The following ZNF248 variants were observed in gnomAD, a reference collection of about 807,000 sequenced individuals.
ZNF248 encodes zinc finger protein 248.
In ZNF248, 20 loss-of-function variants were observed where a neutral mutation model predicts 44.3. The observed-to-expected ratio is 0.45, with a 90% CI of 0.32 to 0.66. The LOEUF is 0.66. Ranked by LOEUF, ZNF248 falls within the 30% of genes least tolerant of loss-of-function variation. ZNF248 has a pLI of 0.04. For missense variants in ZNF248, 654 were observed against 677.0 expected (o/e 0.97, Z 0.38); for synonymous variants, 224 against 229.0 (o/e 0.98, Z 0.20).
chr10:37,806,377 T>C (rs1388939256), intron 6 of ZNF248, among the ~76,000 whole-genome samples: 6 of 152,182 alleles, frequency 3.9e-5, no homozygotes, highest in Admixed American at 1.3e-4. Flanking sequence ...CACTTGATAT[T>C]TTTTCTTTCC....
At chr10:37,838,277 C>T (rs1196021401) in intron 3 of ZNF248, among the ~76,000 whole-genome samples, 166 bp from the exon 4 acceptor site, 1 of 152,166 alleles carries the variant, frequency 6.6e-6, no homozygotes, top group Non-Finnish European at 1.5e-5. Flanking sequence ...TGAGTTTCTA[C>T]TAAGGGTCTG....
rs925819486 is a variant in ZNF248, at chr10:37,856,539, C to A, written c.-125-7G>T. ...TTTATTACCAATTTAGGTTCTGTGACACAGAAAAATTAAAAACATGAAAAG... is the reference window on the plus strand; with the variant it reads ...TTTATTACCAATTTAGGTTCTGTGAAACAGAAAAATTAAAAACATGAAAAG... On this transcript the variant is annotated splice_region_variant and splice_polypyrimidine_tract_variant and intron_variant, in intron 1 of 5. Coordinates refer to ENST00000395867, the MANE Select transcript of ZNF248 (RefSeq NM_021045.3). 1.7e-6 allele frequency: 2 copies of A among 1,191,310 alleles called. No individual in the cohort carries two copies. The highest frequency in any genetic ancestry group is 1.6e-5 in the African/African-American group (1 of 62,844). 73.8% of individuals were successfully genotyped at this position (1,191,310 alleles called of 1,614,324 possible). A position where few individuals can be genotyped will look rare whatever the true frequency, so the allele number is the denominator to read the frequency against.
At chr10:37,853,213 G>C (rs1378666561) in intron 3 of ZNF248, among the ~76,000 whole-genome samples, 1 of 151,964 alleles carries the variant, frequency 6.6e-6, no homozygotes, top group Non-Finnish European at 1.5e-5. Context: ...AATACTACAG[G>C]ATAAATATAG....
chr10:37,772,533 TA>T, downstream of ZNF248, among the ~76,000 whole-genome samples: 1 of 152,098 alleles, frequency 6.6e-6, no homozygotes, highest in East Asian at 1.9e-4. Context: ...ATAAAGCAGA[TA>T]AAAAGAATGT....
chr10:37,849,376 A>AT (rs961858367), intron 3 of ZNF248, among the ~76,000 whole-genome samples: 1 of 152,146 alleles, frequency 6.6e-6, no homozygotes, highest in African/African-American at 2.4e-5. Flanking sequence ...ATGGTGAAAA[A>AT]TTTTTTAAAT....
the ZNF248 span, among the ~76,000 whole-genome samples, chr10:37,770,011 C>T: frequency 6.6e-6 from 1 of 152,208 alleles, no homozygotes; most frequent in African/African-American, 2.4e-5. Flanking sequence ...CATGAGTGAA[C>T]TCCCTTTCAC....
intron 6 of ZNF248, among the ~76,000 whole-genome samples, chr10:37,798,464 A>G (rs980769376): frequency 1.3e-5 from 2 of 152,164 alleles, no homozygotes; most frequent in Non-Finnish European, 2.9e-5. Flanking sequence ...TAAAACAATG[A>G]GGAATTTCCA....
At position 37,855,470 on chromosome 10, in the gene ZNF248, A is replaced by C. The variant is rs115153240; in HGVS notation, c.15+826T>G. ...AAAAAAATGAAACCAGTCAGGAAAAACAGACCGAGAAGAACCTAAGTAGGC... is the reference window on the plus strand; with the variant it reads ...AAAAAAATGAAACCAGTCAGGAAAACCAGACCGAGAAGAACCTAAGTAGGC... On this transcript the variant is annotated intron_variant, in intron 3 of 5. Transcript: ENST00000395867. Among the ~76,000 whole-genome samples, 924 of 152,350 alleles carry C rather than the reference A, an allele frequency of 6.1e-3. 10 individuals carry two copies. Among genetic ancestry groups the C allele is most frequent in the African/African-American group, 0.021 (883 of 41,584 alleles).
intron 6 of ZNF248, among the ~76,000 whole-genome samples, chr10:37,809,051 T>G (rs1163454547): frequency 6.6e-6 from 1 of 152,180 alleles, no homozygotes; most frequent in Non-Finnish European, 1.5e-5. Context: ...TTGTATTTTA[T>G]TTCTGTAGAA....
At chr10:37,769,195 G>A in the ZNF248 span, among the ~76,000 whole-genome samples, 108 of 152,144 alleles carry the variant, frequency 7.1e-4, no homozygotes, top group African/African-American at 2.3e-3. Context: ...CCAGAGGTAC[G>A]AGGAGGACCT....
At chr10:37,769,746 C>A in the ZNF248 span, among the ~76,000 whole-genome samples, 1 of 152,168 alleles carries the variant, frequency 6.6e-6, no homozygotes, top group Non-Finnish European at 1.5e-5. Flanking sequence ...CACTCCTATT[C>A]AACATAGTGG....
In ZNF248 at chr10:37,831,195, A is replaced by G. The variant is rs1206572717; in HGVS notation, c.*420T>C. ...GATCATGTTGAGTTCCAATATACAAATCAAGCATACTCAAATTTATATATT... is the reference window on the plus strand; with the variant it reads ...GATCATGTTGAGTTCCAATATACAAGTCAAGCATACTCAAATTTATATATT... On this transcript the variant is annotated 3_prime_UTR_variant, in exon 6 of 6. Transcript: ENST00000395867. The G allele has an allele frequency of 6.5e-7, 1 of 1,541,944 alleles. No homozygotes were observed. The highest frequency in any genetic ancestry group is 8.8e-7 in the Non-Finnish European group (1 of 1,142,590).
At chr10:37,843,650 T>C (rs1024192291) in intron 3 of ZNF248, among the ~76,000 whole-genome samples, 3 of 152,062 alleles carry the variant, frequency 2.0e-5, no homozygotes, top group Admixed American at 2.0e-4. Context: ...ATAAATTAAG[T>C]GTCATCAAAA....
chr10:37,829,731 T>A lies in ZNF248; in HGVS notation c.*1884A>T. The stretch of plus-strand genomic sequence containing the variant: ...ATAAGCCAATACCATGTTACAGACA[T>A]GAAAAAGCCCAGCAGAGTCTCTTCT... On this transcript the variant is annotated 3_prime_UTR_variant, in exon 6 of 6. Coordinates refer to ENST00000395867, the MANE Select transcript of ZNF248 (RefSeq NM_021045.3). 2 of 985,296 alleles carry A rather than the reference T, an allele frequency of 2.0e-6. No individual in the cohort carries two copies. Among genetic ancestry groups the A allele is most frequent in the South Asian group, 9.4e-5 (2 of 21,288 alleles). 61.0% of individuals were successfully genotyped at this position (985,296 alleles called of 1,614,324 possible). A position where few individuals can be genotyped will look rare whatever the true frequency, so the allele number is the denominator to read the frequency against.
chr10:37,761,423 C>T, the ZNF248 span, among the ~76,000 whole-genome samples: 612 of 152,284 alleles, frequency 4.0e-3, 5 homozygotes, highest in African/African-American at 0.014. Context: ...AGAAAACTGG[C>T]TATTCATTTG....
At chr10:37,760,992 G>A in the ZNF248 span, among the ~76,000 whole-genome samples, 3 of 152,216 alleles carry the variant, frequency 2.0e-5, no homozygotes, top group Admixed American at 1.3e-4. Flanking sequence ...TGGCATGATG[G>A]TGCAGGCCTT....
rs889052332 is a variant in ZNF248 at position 37,830,225 on chromosome 10, T to C, written c.*1390A>G. 36 of 985,388 alleles carry C rather than the reference T, an allele frequency of 3.7e-5. No homozygotes were observed. The highest frequency in any genetic ancestry group is 4.1e-5 in the Non-Finnish European group (34 of 829,922). The allele number at this position is 985,388 out of a possible 1,614,324, so 61.0% of individuals were successfully genotyped here. On this transcript the variant is annotated 3_prime_UTR_variant, in exon 6 of 6. Transcript: ENST00000395867. ...TTTGCATAATTTATGTAAAAACCAT[T>C]CTTATTAACAACATTTACATTACAG...
chr10:37,797,938 C>A (rs2049343800), intron 6 of ZNF248, among the ~76,000 whole-genome samples: 1 of 152,052 alleles, frequency 6.6e-6, no homozygotes, highest in South Asian at 2.1e-4. Flanking sequence ...TAGTATATGA[C>A]TCAGCAAGTC....
At chr10:37,761,070 C>A in the ZNF248 span, among the ~76,000 whole-genome samples, 1 of 152,124 alleles carries the variant, frequency 6.6e-6, no homozygotes, top group African/African-American at 2.4e-5. Flanking sequence ...ATCTGCCTTT[C>A]AAATGTCCAT....
Sources: gnomAD v4.1 joint callset for allele counts (sites outside exome capture counted in the v4.1 genomes callset) on GRCh38, gnomAD v4.1.1 for gene constraint, MANE v1.5 for transcripts, NCBI Gene and HGNC (gene_info 2026-07-23, HGNC 2026-07-21) for gene names.